ASXL2: variants seen among roughly 807,000 people sequenced by gnomAD.
The protein encoded by ASXL2 is ASXL transcriptional regulator 2.
A neutral mutation model predicts 122.0 loss-of-function variants in ASXL2; 23 were observed. That is an observed-to-expected ratio of 0.19 (90% CI 0.14 to 0.27). The LOEUF is 0.27. ASXL2 is among the 10% of genes least tolerant of loss of function. ASXL2 has a pLI of 1.00. For missense variants in ASXL2, 1,518 were observed against 1,713.8 expected, an observed-to-expected ratio of 0.89 and a Z score of 2.02; for synonymous variants, 650 against 637.0, an observed-to-expected ratio of 1.02 and a Z score of -0.31.
In ASXL2 at chr2:25,744,259, G is replaced by A; in HGVS notation, c.2078C>T (p.Pro693Leu). Residue 693 changes from proline (P) to leucine (L), a missense_variant, in exon 13 of 13, where the codon CCT becomes CTT. By Grantham distance (98) the Pro-to-Leu change is moderately conservative. Around this residue, in one of 8 missense-constraint regions of ASXL2, gnomAD observed 48 missense variants for 82.1 expected, o/e 0.58. Coordinates refer to ENST00000435504, the MANE Select transcript of ASXL2 (RefSeq NM_018263.6). The surrounding 1 kb of genome is among the most constrained non-coding windows in gnomAD (Gnocchi z 4.7). Reference protein sequence around the residue: ...AASVGGTIPGPGPGGGQGPGE... With the variant: ...AASVGGTIPGLGPGGGQGPGE... Reference sequence around the variant, plus strand: ...TGGACCTTGTCCACCCCCTGGGCCAGGTCCTGGAATGGTCCCTCCAACTGA... The same window carrying A: ...TGGACCTTGTCCACCCCCTGGGCCAAGTCCTGGAATGGTCCCTCCAACTGA... 1 of 1,613,996 alleles carries A rather than the reference G, an allele frequency of 6.2e-7. No individual in the cohort carries two copies. Among genetic ancestry groups the A allele is most frequent in the Non-Finnish European group, 8.5e-7 (1 of 1,179,874 alleles).
intron 1 of ASXL2, chr2:25,856,337 A>G: frequency 2.1e-6 from 1 of 466,554 alleles, no homozygotes; most frequent in East Asian, 4.7e-5. Context: ...GATTACAGGC[A>G]TGAGCCACTG....
chr2:25,769,143 C>T (rs1023036809), intron 6 of ASXL2, among the ~76,000 whole-genome samples: 1 of 152,086 alleles, frequency 6.6e-6, no homozygotes, highest in African/African-American at 2.4e-5. Context: ...CAGTATCATT[C>T]CTTTATATAA....
intron 5 of ASXL2, among the ~76,000 whole-genome samples, chr2:25,778,320 T>C (rs755835253): frequency 1.3e-5 from 2 of 152,220 alleles, no homozygotes; most frequent in East Asian, 1.9e-4. Flanking sequence ...GAGAAGGCAA[T>C]GTGAAGACAG....
intron 1 of ASXL2, among the ~76,000 whole-genome samples, chr2:25,847,138 G>A (rs542760549): frequency 6.6e-6 from 1 of 152,180 alleles, no homozygotes; most frequent in South Asian, 2.1e-4. Flanking sequence ...AAGATAAGTG[G>A]CGCCAAAATT....
chr2:25,792,521 C>T (rs1232975515), intron 5 of ASXL2, among the ~76,000 whole-genome samples: 5 of 151,772 alleles, frequency 3.3e-5, no homozygotes, highest in Non-Finnish European at 7.4e-5. Flanking sequence ...ATCAAAAGAT[C>T]GAGTTACTAT....
In ASXL2 at chr2:25,735,123, T is replaced by G. The variant is rs1396841765; in HGVS notation, c.*6906A>C. ...TAGCCACAGCCCATCTCCAAGTTGA[T>G]CCTTTCTGGCTCTTTTCCTGGTTTC... On this transcript the variant is annotated 3_prime_UTR_variant, in exon 13 of 13. Coordinates refer to ENST00000435504, the MANE Select transcript of ASXL2 (RefSeq NM_018263.6). 1 of 152,224 alleles carries G rather than the reference T, an allele frequency of 6.6e-6. No individual in the cohort carries two copies. The highest frequency in any genetic ancestry group is 1.5e-5 in the Non-Finnish European group (1 of 68,042). 9.4% of individuals were successfully genotyped at this position (152,224 alleles called of 1,614,324 possible).
chr2:25,859,269 C>T (rs2089818360), intron 1 of ASXL2, among the ~76,000 whole-genome samples: 1 of 152,096 alleles, frequency 6.6e-6, no homozygotes, highest in Non-Finnish European at 1.5e-5. Flanking sequence ...CATGAAAAAC[C>T]TCAGACTGAA....
At chr2:25,767,442 AAC>A (rs2088371336) in intron 8 of ASXL2, 139 bp downstream of exon 8, 2 of 835,078 alleles carry the variant, frequency 2.4e-6, no homozygotes, top group Non-Finnish European at 3.6e-6. Flanking sequence ...TTATGTTAGC[AAC>A]AAAAAAAACT....
At position 25,742,876 on chromosome 2, in the gene ASXL2, C is replaced by A; in HGVS notation, c.3461G>T (p.Ser1154Ile). ...VNPEDRFCLS[S>I]PTEALKMGYT... ...TCCCATTTTCAAGGCTTCAGTGGGG[C>A]TGCTTAGACAAAAACGATCTTCAGG... Residue 1154 changes from serine to isoleucine, a missense_variant, in exon 13 of 13, where the codon AGC becomes ATC. Ser to Ile is a moderately radical substitution (Grantham distance 142). Around this residue, in one of 8 missense-constraint regions of ASXL2, gnomAD observed 831 missense variants for 833.1 expected, o/e 1.00. Coordinates refer to ENST00000435504, the MANE Select transcript of ASXL2 (RefSeq NM_018263.6). 1 of 1,613,996 alleles carries A rather than the reference C, an allele frequency of 6.2e-7. No homozygotes were observed. Among genetic ancestry groups the A allele is most frequent in the South Asian group, 1.1e-5 (1 of 91,082 alleles).
At chr2:25,786,681 C>T (rs2088753461) in intron 5 of ASXL2, among the ~76,000 whole-genome samples, 1 of 152,042 alleles carries the variant, frequency 6.6e-6, no homozygotes, top group Non-Finnish European at 1.5e-5. Flanking sequence ...TGGTGAAACC[C>T]TATCTCTACT....
intron 11 of ASXL2, 139 bp downstream of exon 11, chr2:25,753,395 G>A: frequency 1.8e-6 from 1 of 553,320 alleles, no homozygotes; most frequent in Non-Finnish European, 3.0e-6. Context: ...AAGAATCAGT[G>A]AGACAAAAAA....
chr2:25,871,410 G>A (rs2089961098), intron 1 of ASXL2, among the ~76,000 whole-genome samples: 1 of 152,092 alleles, frequency 6.6e-6, no homozygotes, highest in South Asian at 2.1e-4. Flanking sequence ...ACGCCTTTCA[G>A]AATTCTACAA....
At chr2:25,853,027 C>T (rs2089735025) in intron 1 of ASXL2, among the ~76,000 whole-genome samples, 2 of 152,148 alleles carry the variant, frequency 1.3e-5, no homozygotes, top group Admixed American at 6.6e-5. Context: ...ATTGTTTTGT[C>T]AAATGAAGTT....
chr2:25,790,009 A>T (rs2088807391), intron 5 of ASXL2, among the ~76,000 whole-genome samples: 1 of 152,104 alleles, frequency 6.6e-6, no homozygotes, highest in African/African-American at 2.4e-5. Flanking sequence ...TCTGTTCTGA[A>T]TTTTTTAAAA....
intron 1 of ASXL2, among the ~76,000 whole-genome samples, chr2:25,862,449 G>A (rs926971675): frequency 9.9e-5 from 15 of 152,090 alleles, no homozygotes; most frequent in African/African-American, 3.4e-4. Flanking sequence ...TAATACATTA[G>A]ACGGCCAAGA....
At chr2:25,810,135 T>C (rs1391981614) in intron 3 of ASXL2, 2 of 558,466 alleles carry the variant, frequency 3.6e-6, no homozygotes, top group Non-Finnish European at 7.0e-6. Context: ...TTTTTGAGAG[T>C]ACTTTTCTTC....
At chr2:25,873,842 A>T (rs1186642481) in intron 1 of ASXL2, among the ~76,000 whole-genome samples, 1 of 152,014 alleles carries the variant, frequency 6.6e-6, no homozygotes, top group Non-Finnish European at 1.5e-5. Flanking sequence ...TTCCACCTAC[A>T]ATCACACACA....
At position 25,878,464 on chromosome 2, in the gene ASXL2, T is replaced by G. The variant is rs1574460539; in HGVS notation, c.-242A>C. On this transcript the variant is annotated 5_prime_UTR_variant, in exon 1 of 13. Coordinates refer to ENST00000435504, the MANE Select transcript of ASXL2 (RefSeq NM_018263.6). The stretch of plus-strand genomic sequence containing the variant: ...CCGCTGCCATATTGGGTTCTTACTG[T>G]ACAGGCTGCCGCTACGGTCATGTGA... 1.9e-6 allele frequency: 1 copy of G among 534,514 alleles called. No individual in the cohort carries two copies. The highest frequency in any genetic ancestry group is 3.3e-6 in the Non-Finnish European group (1 of 301,188). 33.1% of individuals were successfully genotyped at this position (534,514 alleles called of 1,614,324 possible).
chr2:25,755,117 C>G (rs1250132915), intron 10 of ASXL2, among the ~76,000 whole-genome samples: 2 of 152,292 alleles, frequency 1.3e-5, no homozygotes, highest in East Asian at 3.9e-4. Context: ...TACGACTTTT[C>G]AAGTGCTATT....
Sources: allele counts gnomAD v4.1 joint callset (sites outside exome capture counted in the v4.1 genomes callset), GRCh38; gene constraint gnomAD v4.1.1; regional missense constraint gnomAD v4.1.1; non-coding constraint Gnocchi (gnomAD v3.1); transcripts MANE v1.5; gene names NCBI Gene and HGNC (gene_info 2026-07-23, HGNC 2026-07-21).